The following NLRC3 variants were observed in gnomAD, a reference collection of about 807,000 sequenced individuals.
NLRC3 encodes the protein NLR family CARD domain containing 3.
Under a neutral mutation model 91.6 loss-of-function variants are expected in NLRC3, and 87 were observed. That is an observed-to-expected ratio of 0.95 (90% CI 0.80 to 1.14). The LOEUF (loss-of-function observed/expected upper bound fraction) is 1.14. NLRC3 is among the 50% of genes most tolerant of loss of function. NLRC3 has a pLI of 0.00. For missense variants in NLRC3, 1,577 were observed against 1,418.6 expected (o/e 1.11, Z -1.79); for synonymous variants, 694 against 625.3 (o/e 1.11, Z -1.64).
chr16:3,543,343 A>G (rs2038506816), intron 17 of NLRC3, 82 bp downstream of exon 17: 1 of 976,216 alleles, frequency 1.0e-6, no homozygotes, highest in Admixed American at 2.0e-5. Context: ...AGTTGTCTGT[A>G]AACTTTGTCC....
At chr16:3,569,780 G>A (rs543884383) in intron 1 of NLRC3, among the ~76,000 whole-genome samples, 1 of 152,222 alleles carries the variant, frequency 6.6e-6, no homozygotes, top group East Asian at 1.9e-4. Flanking sequence ...GTTGTTGCAG[G>A]CCTTCTTGTT....
chr16:3,543,186 C>T, intron 17 of NLRC3: 1 of 520,766 alleles, frequency 1.9e-6, no homozygotes, highest in Admixed American at 3.2e-5. Context: ...CCCTGGGACC[C>T]ATAAACCAGG....
Position 3,563,729 on chromosome 16 carries a change from A to T in NLRC3, c.1208T>A (p.Leu403Gln). 2 of 1,613,562 alleles carry T rather than the reference A, an allele frequency of 1.2e-6. No individual in the cohort carries two copies. Among genetic ancestry groups the T allele is most frequent in the Non-Finnish European group, 1.7e-6 (2 of 1,179,816 alleles). Residue 403 changes from leucine to glutamine, a missense_variant, in exon 5 of 20, where the codon CTG (leucine) becomes CAG (glutamine). By Grantham distance (113) the Leu-to-Gln change is moderately radical (BLOSUM62 -2). Transcript: ENST00000359128. ...GRKMVGTLGR[L>Q]AFHGLLKKKY... ...CTTCTTGAGCAGCCCATGGAAGGCC[A>T]GACGGCCCAATGTCCCCACCATCTT...
chr16:3,576,959 C>T (rs565678450), intron 1 of NLRC3, among the ~76,000 whole-genome samples, 190 bp downstream of exon 1: 16 of 152,164 alleles, frequency 1.1e-4, no homozygotes, highest in African/African-American at 3.4e-4. Context: ...CGTGAGCCAC[C>T]GTGCCTGGCC....
rs891598642 is a variant in NLRC3, at chr16:3,564,535, C to T, written c.402G>A (p.Val134=). 6.2e-7 allele frequency: 1 copy of T among 1,611,932 alleles called. No homozygotes were observed. The highest frequency in any genetic ancestry group is 8.5e-7 in the Non-Finnish European group (1 of 1,179,610). ...LDRLFLPLSR[V]SVPPRVSITI... ...TGATGGAGACCCGGGGTGGGACAGA[C>T]ACCCGGGAGAGAGGCAGGAAGAGCC... The change falls in exon 5 of 20, where the codon GTG becomes GTA. Residue 134 remains valine (V), a synonymous_variant. Transcript: ENST00000359128. This position sits in a 1 kb window ranked among gnomAD's most constrained non-coding sequence, Gnocchi z 5.9.
At chr16:3,549,330 G>C (rs2038874299) in intron 12 of NLRC3, 105 bp from the exon 13 acceptor site, 1 of 834,244 alleles carries the variant, frequency 1.2e-6, no homozygotes, top group Non-Finnish European at 2.0e-6. Flanking sequence ...ACTGCAGGCG[G>C]GGGACCTAGA....
intron 6 of NLRC3, among the ~76,000 whole-genome samples, chr16:3,559,831 C>T (rs1024810831): frequency 6.6e-6 from 1 of 151,762 alleles, no homozygotes; most frequent in Non-Finnish European, 1.5e-5. Flanking sequence ...TTAGTAGAGA[C>T]AGGGTTTTGC....
Position 3,550,400 on chromosome 16 carries a change from G to A in NLRC3, c.2435+14C>T, listed in dbSNP as rs776031316. The A allele has an allele frequency of 9.5e-6, 15 of 1,580,012 alleles. No individual in the cohort carries two copies. In the East Asian group the frequency reaches 2.2e-4, roughly 24 times the overall value. On this transcript the variant is annotated intron_variant, in intron 11 of 19. Coordinates refer to ENST00000359128, the MANE Select transcript of NLRC3 (RefSeq NM_178844.4). Reference sequence around the variant, plus strand: ...GAACCCAGGGGGAATCGTCACCCTGGCAGGTGGACTCACTCCAGGCTCTCC... The same window carrying A: ...GAACCCAGGGGGAATCGTCACCCTGACAGGTGGACTCACTCCAGGCTCTCC...
Position 3,548,116 on chromosome 16 carries a change from C to A in NLRC3, c.2771+19G>T, listed in dbSNP as rs369570625. 12 of 1,545,082 alleles carry A rather than the reference C, an allele frequency of 7.8e-6. No homozygotes were observed. In the African/African-American group the frequency reaches 1.5e-4, roughly 19 times the overall value. On this transcript the variant is annotated intron_variant, in intron 15 of 19. Transcript: ENST00000359128. ...CCTCAACAGCCCCCGCCCTGCAGCC[C>A]CTGGGCAGGCCAACTTACTCTAAGC...
chr16:3,572,703 C>G (rs2040141005), intron 1 of NLRC3, among the ~76,000 whole-genome samples: 2 of 152,134 alleles, frequency 1.3e-5, no homozygotes, highest in African/African-American at 4.8e-5. Context: ...AATTCCACTT[C>G]TGGGAATTTA....
chr16:3,542,787 G>A lies in NLRC3; in HGVS notation c.2940-12C>T. 3 of 1,589,256 alleles carry A rather than the reference G, an allele frequency of 1.9e-6. No individual in the cohort carries two copies. The highest frequency in any genetic ancestry group is 2.6e-6 in the Non-Finnish European group (3 of 1,163,982). ...CATTTCCTCTTAAGCTGTTGGGAAAGACAGGAAGCCTAAGGCATGGGTACA... is the reference window on the plus strand; with the variant it reads ...CATTTCCTCTTAAGCTGTTGGGAAAAACAGGAAGCCTAAGGCATGGGTACA... On this transcript the variant is annotated splice_polypyrimidine_tract_variant and intron_variant, in intron 17 of 19. Coordinates refer to ENST00000359128, the MANE Select transcript of NLRC3 (RefSeq NM_178844.4).
intron 5 of NLRC3, 104 bp from the exon 6 acceptor site, chr16:3,561,892 A>G (rs2039631765): frequency 1.3e-6 from 1 of 786,520 alleles, no homozygotes; most frequent in Non-Finnish European, 2.2e-6. Context: ...CAGCGCTATC[A>G]CCGCAGCTCT....
In NLRC3 at chr16:3,544,297, G is replaced by T. The variant is rs756070002; in HGVS notation, c.2804C>A (p.Ala935Glu). ...LQENAIGDDGACAVARALKVN... is the reference protein window; with the variant it reads ...LQENAIGDDGECAVARALKVN... ...CTTCAGTGCACGGGCCACCGCACAC[G>T]CTCCGTCATCCCCGATGGCGTTCTC... is the stretch of plus-strand genomic sequence containing the variant. The change falls in exon 16 of 20, where the codon GCG becomes GAG. Residue 935 changes from alanine to glutamate, a missense_variant. Transcript: ENST00000359128. 3.7e-6 allele frequency: 6 copies of T among 1,613,112 alleles called. No homozygotes were observed. Among genetic ancestry groups the T allele is most frequent in the African/African-American group, 1.3e-5 (1 of 74,872 alleles).
At chr16:3,550,955 A>G (rs981952084) in intron 10 of NLRC3, among the ~76,000 whole-genome samples, 2 of 152,002 alleles carry the variant, frequency 1.3e-5, no homozygotes, top group Non-Finnish European at 2.9e-5. Flanking sequence ...TCACTTATTG[A>G]TTTATCTACT....
rs368444336 is a variant in NLRC3, at chr16:3,563,263, G to A, written c.1674C>T (p.Ala558=). 2.9e-4 allele frequency: 470 copies of A among 1,606,012 alleles called. No individual in the cohort carries two copies. Among genetic ancestry groups the A allele is most frequent in the African/African-American group, 1.1e-3 (81 of 74,976 alleles). Residue 558 remains alanine, a synonymous_variant, in exon 5 of 20, where the codon GCC becomes GCT. Coordinates refer to ENST00000359128, the MANE Select transcript of NLRC3 (RefSeq NM_178844.4). The stretch of plus-strand genomic sequence containing the variant: ...CGTTGATGGCCCGTGCACAGACTGC[G>A]GCATCGGGGCGCAGGCAGCCCTGCA... The part of the protein sequence containing the change: ...ELLQGCLRPD[A]AVCARAINVL...
chr16:3,562,757 G>A lies in NLRC3; in HGVS notation c.1928+252C>T, dbSNP rs994602208. The A allele has an allele frequency of 1.2e-5, 7 of 588,000 alleles. No homozygotes were observed. In the African/African-American group the frequency reaches 1.3e-4, roughly 11 times the overall value. The allele number at this position is 588,000 out of a possible 1,614,324, so 36.4% of individuals were successfully genotyped here. On this transcript the variant is annotated intron_variant, in intron 5 of 19. Transcript: ENST00000359128. ...CAAGGGTTCCCATCAAACACTGGAA[G>A]CTAGAGAGGAAGGAAAGAACCTCTC...
chr16:3,550,999 G>A (rs1298452104), intron 10 of NLRC3, among the ~76,000 whole-genome samples: 4 of 149,670 alleles, frequency 2.7e-5, no homozygotes, highest in African/African-American at 9.9e-5. Flanking sequence ...CCATCCATTC[G>A]TCCATCCATC....
chr16:3,560,705 G>A (rs555195107), intron 6 of NLRC3, among the ~76,000 whole-genome samples: 3 of 152,144 alleles, frequency 2.0e-5, no homozygotes, highest in Non-Finnish European at 2.9e-5. Context: ...GTGCAGTGGC[G>A]CTGGAGTGCA....
chr16:3,546,250 TA>T (rs1204388961), intron 15 of NLRC3, among the ~76,000 whole-genome samples: 1 of 151,282 alleles, frequency 6.6e-6, no homozygotes, highest in Non-Finnish European at 1.5e-5. Context: ...AAATTGTAAA[TA>T]TTACTTTAAA....
Sources: gnomAD v4.1 joint callset for allele counts (sites outside exome capture counted in the v4.1 genomes callset) on GRCh38, gnomAD v4.1.1 for gene constraint, Gnocchi (gnomAD v3.1) non-coding constraint, MANE v1.5 for transcripts, NCBI Gene and HGNC (gene_info 2026-07-23, HGNC 2026-07-21) for gene names.